Variants in CTNND2 observed in about 807,000 individuals in gnomAD.
CTNND2 encodes the protein catenin delta-2.
CTNND2 carries 22 observed loss-of-function variants against 144.4 expected under a neutral mutation model. The ratio of observed to expected loss-of-function variants is 0.15; its 90% confidence interval spans 0.11 to 0.22. The LOEUF (loss-of-function observed/expected upper bound fraction) is 0.22. Among genes scored for constraint, CTNND2 ranks in the 10% least tolerant of loss-of-function variants. The pLI is 1.00. For missense variants in CTNND2, 1,353 were observed against 1,618.8 expected (o/e 0.84, Z 2.82); for synonymous variants, 751 against 695.6 (o/e 1.08, Z -1.25).
chr5:11,534,709 C>T (rs1180247396), intron 3 of CTNND2, among the ~76,000 whole-genome samples: 2 of 152,160 alleles, frequency 1.3e-5, no homozygotes, highest in African/African-American at 4.8e-5. Context: ...TGATTGAAAA[C>T]AGGAGTGATG....
Position 10,988,042 on chromosome 5 carries a change from TC to T in CTNND2, c.3343+68del. The T allele has an allele frequency of 6.3e-7, 1 of 1,598,554 alleles. No individual in the cohort carries two copies. Among genetic ancestry groups the T allele is most frequent in the South Asian group, 1.1e-5 (1 of 88,048 alleles). The stretch of plus-strand genomic sequence containing the variant: ...GCAGCCAGCCCCGTGAAGCCTGATG[TC>T]CCATATCTCTGCCTTGTCGCGGGTC... On this transcript the variant is annotated intron_variant, in intron 20 of 21. Transcript: ENST00000304623. This position sits in a 1 kb window ranked among gnomAD's most constrained non-coding sequence, Gnocchi z 5.9.
intron 14 of CTNND2, among the ~76,000 whole-genome samples, chr5:11,107,744 T>C (rs1453515859): frequency 2.6e-5 from 4 of 152,200 alleles, no homozygotes; most frequent in Non-Finnish European, 5.9e-5. Flanking sequence ...AATGCAGCAC[T>C]GTCATGAGAG....
rs533712704 is a variant in CTNND2 at position 11,196,116 on chromosome 5, G to A, written c.1975+3332C>T. 1.4e-3 allele frequency among the ~76,000 whole-genome samples: 217 copies of A among 152,212 alleles called. 1 individual carries two copies. The highest frequency in any genetic ancestry group is 0.014 in the Middle Eastern group (4 of 294). On this transcript the variant is annotated intron_variant, in intron 11 of 21. Transcript: ENST00000304623. ...TATCATTGTTCAAATTGTTTGCCAA[G>A]CAATATTCAATACATAATTTAAAAC...
intron 2 of CTNND2, among the ~76,000 whole-genome samples, chr5:11,589,206 A>C (rs888502007): frequency 6.6e-6 from 1 of 151,754 alleles, no homozygotes; most frequent in African/African-American, 2.4e-5. Context: ...CTGCCTGGCA[A>C]ATTCTAGTTT....
chr5:11,684,113 T>A (rs1036852566), intron 2 of CTNND2, among the ~76,000 whole-genome samples: 1 of 151,954 alleles, frequency 6.6e-6, no homozygotes, highest in Admixed American at 6.6e-5. Flanking sequence ...TTTTTTATTT[T>A]TTTTTTTAGA....
intron 10 of CTNND2, among the ~76,000 whole-genome samples, chr5:11,215,859 G>T (rs2055143): frequency 0.063 from 9,583 of 152,246 alleles, 428 homozygotes; most frequent in Admixed American, 0.11. Flanking sequence ...ATGCTTACAG[G>T]GGTGAGGGAA....
At chr5:11,592,511 G>C (rs765601724) in intron 2 of CTNND2, among the ~76,000 whole-genome samples, 1 of 151,796 alleles carries the variant, frequency 6.6e-6, no homozygotes, top group Non-Finnish European at 1.5e-5. Context: ...CAGGAAAGAA[G>C]TACAATAAAA....
chr5:11,843,696 C>T (rs1243977788), intron 1 of CTNND2, among the ~76,000 whole-genome samples: 1 of 152,142 alleles, frequency 6.6e-6, no homozygotes, highest in Non-Finnish European at 1.5e-5. Flanking sequence ...TTATATTTCA[C>T]TAGTTCCACA....
intron 1 of CTNND2, among the ~76,000 whole-genome samples, chr5:11,733,424 T>C (rs1251174349): frequency 6.6e-6 from 1 of 152,162 alleles, no homozygotes; most frequent in Non-Finnish European, 1.5e-5. Flanking sequence ...ACACATTTGG[T>C]CACAGAAGTC....
At chr5:11,759,662 CAT>C (rs1789148976) in intron 1 of CTNND2, among the ~76,000 whole-genome samples, 1 of 152,196 alleles carries the variant, frequency 6.6e-6, no homozygotes, top group East Asian at 1.9e-4. Context: ...GATTGTTATA[CAT>C]ATGAGGTAAT....
intron 9 of CTNND2, among the ~76,000 whole-genome samples, chr5:11,273,852 C>T: frequency 6.6e-6 from 1 of 152,152 alleles, no homozygotes; most frequent in East Asian, 1.9e-4. Context: ...TGTGCGCCAT[C>T]CTGATACACA....
intron 2 of CTNND2, among the ~76,000 whole-genome samples, chr5:11,569,793 C>T (rs575590049): frequency 1.3e-5 from 2 of 152,248 alleles, no homozygotes; most frequent in Admixed American, 1.3e-4. Flanking sequence ...CCAAGATTCA[C>T]ATGTTGAAAT....
rs540906367 is a variant in CTNND2, at chr5:11,193,614, G to T, written c.1975+5834C>A. The stretch of plus-strand genomic sequence containing the variant: ...CTCTGACCCCTTTTGGTGCCTCTTG[G>T]TGTAATATATGAATTGCCCACCAAG... On this transcript the variant is annotated intron_variant, in intron 11 of 21. Transcript: ENST00000304623. Among the ~76,000 whole-genome samples the T allele has an allele frequency of 7.1e-4, 108 of 152,190 alleles. No individual in the cohort carries two copies. In the Middle Eastern group the frequency reaches 0.014, roughly 19 times the overall value.
At chr5:11,165,769 A>G (rs1049127904) in intron 11 of CTNND2, among the ~76,000 whole-genome samples, 2 of 152,346 alleles carry the variant, frequency 1.3e-5, no homozygotes. Flanking sequence ...TTGGTTTAAT[A>G]AAAATTCCTT....
rs375055613 is a variant in CTNND2 at position 11,853,945 on chromosome 5, T to G, written c.37+49872A>C. On this transcript the variant is annotated intron_variant, in intron 1 of 21. Coordinates refer to ENST00000304623, the MANE Select transcript of CTNND2 (RefSeq NM_001332.4). ...CGTGTCCACCACTGCTGTCCTGCAG[T>G]CTGTTCTCTACAGGTTCATCAGACT... 9.7e-4 allele frequency among the ~76,000 whole-genome samples: 148 copies of G among 152,340 alleles called. 2 individuals are homozygous for G. The highest frequency in any genetic ancestry group is 3.3e-3 in the African/African-American group (139 of 41,586).
intron 8 of CTNND2, among the ~76,000 whole-genome samples, chr5:11,359,196 C>T (rs944018970): frequency 2.6e-5 from 4 of 152,184 alleles, no homozygotes; most frequent in Admixed American, 6.5e-5. Flanking sequence ...ATTTTATAAG[C>T]TCTGGTTTTG....
rs1383358350 is a variant in CTNND2, at chr5:10,976,432, C to A, written c.3418-2719G>T. ...GGATGAGGGATGTAGAATGATGCCC[C>A]AATAGAGCAGAGGGGATTTCTGAAT... On this transcript the variant is annotated intron_variant, in intron 21 of 21. Transcript: ENST00000304623. 2.0e-5 allele frequency among the ~76,000 whole-genome samples: 3 copies of A among 152,156 alleles called. No individual in the cohort carries two copies. The East Asian group carries it at 5.8e-4, about 29-fold the overall frequency.
At chr5:11,497,804 C>G (rs1348241459) in intron 3 of CTNND2, among the ~76,000 whole-genome samples, 1 of 152,062 alleles carries the variant, frequency 6.6e-6, no homozygotes, top group Non-Finnish European at 1.5e-5. Context: ...ACTGTACTAT[C>G]ATTTAGCAAA....
intron 2 of CTNND2, among the ~76,000 whole-genome samples, chr5:11,577,898 G>A (rs577040174): frequency 3.9e-5 from 6 of 152,108 alleles, no homozygotes. Context: ...TGTAAACATG[G>A]ATCTTGCACT....
Sources: gnomAD v4.1 joint callset for allele counts (sites outside exome capture counted in the v4.1 genomes callset) on GRCh38, gnomAD v4.1.1 for gene constraint, Gnocchi (gnomAD v3.1) non-coding constraint, MANE v1.5 for transcripts, NCBI Gene and HGNC (gene_info 2026-07-23, HGNC 2026-07-21) for gene names.